Variants in DIS3L2 observed in about 807,000 individuals in gnomAD.
DIS3L2 encodes DIS3 like 3'-5' exoribonuclease 2, also known as DIS3-like exonuclease 2.
A neutral mutation model predicts 97.5 loss-of-function variants in DIS3L2; 34 were observed. The observed-to-expected ratio is 0.35, with a 90% CI of 0.27 to 0.46. The LOEUF is 0.46. Ranked by LOEUF, DIS3L2 falls within the 20% of genes least tolerant of loss-of-function variation. The probability of loss-of-function intolerance (pLI) is 1.00; values close to 1 mark genes in which losing one functional copy is unlikely to be tolerated. For synonymous variants in DIS3L2, 435 were observed against 445.2 expected (o/e 0.98, Z 0.29); for missense variants, 1,038 against 1,146.0 (o/e 0.91, Z 1.36).
chr2:231,982,393 T>C (rs936867777), intron 1 of DIS3L2, among the ~76,000 whole-genome samples: 2 of 152,224 alleles, frequency 1.3e-5, no homozygotes, highest in Non-Finnish European at 2.9e-5. Context: ...ATATTATATT[T>C]GTCTTTACAT....
intron 9 of DIS3L2, among the ~76,000 whole-genome samples, chr2:232,184,580 G>A (rs1304858824): frequency 6.6e-6 from 1 of 152,144 alleles, no homozygotes; most frequent in African/African-American, 2.4e-5. Context: ...AGCCCAGGAG[G>A]TTGAGGGTGC....
chr2:231,986,917 G>T (rs1693428672), intron 1 of DIS3L2, among the ~76,000 whole-genome samples: 2 of 152,102 alleles, frequency 1.3e-5, no homozygotes, highest in South Asian at 4.1e-4. Context: ...TTTTACAGTA[G>T]ATGATCCATT....
At chr2:232,333,439 TGACTCAGCAGG>T (rs924126960) in intron 16 of DIS3L2, among the ~76,000 whole-genome samples, 2 of 151,884 alleles carry the variant, frequency 1.3e-5, no homozygotes, top group Non-Finnish European at 2.9e-5. Flanking sequence ...TGCTCAGCAG[TGACTCAGCAGG>T]GACTGGACTT....
chr2:232,290,029 T>C lies in DIS3L2; in HGVS notation c.1660-10011T>C, dbSNP rs369502447. Among the ~76,000 whole-genome samples, 8 of 152,376 alleles carry C rather than the reference T, an allele frequency of 5.3e-5. No homozygotes were observed. In the East Asian group the frequency reaches 1.3e-3, roughly 26 times the overall value. Reference sequence around the variant, plus strand: ...AGTTCCTGCAGTCAGCACTGGCACTTTCCTGTGGAAGCAGCTTTGGGTAAC... The same window carrying C: ...AGTTCCTGCAGTCAGCACTGGCACTCTCCTGTGGAAGCAGCTTTGGGTAAC... On this transcript the variant is annotated intron_variant, in intron 13 of 20. Transcript: ENST00000325385.
intron 5 of DIS3L2, among the ~76,000 whole-genome samples, chr2:232,087,125 C>T (rs1217934819): frequency 1.3e-5 from 2 of 152,054 alleles, no homozygotes; most frequent in African/African-American, 4.8e-5. Flanking sequence ...GTTCTTTTAT[C>T]ATTCCCTAAC....
intron 17 of DIS3L2, 144 bp from the exon 18 acceptor site, chr2:232,334,225 G>C: frequency 8.0e-7 from 1 of 1,255,366 alleles, no homozygotes. Flanking sequence ...TGACCTCGAA[G>C]GGCCGCTTTC....
intron 10 of DIS3L2, among the ~76,000 whole-genome samples, chr2:232,233,520 G>A (rs992460518): frequency 6.6e-6 from 1 of 152,180 alleles, no homozygotes; most frequent in Admixed American, 6.5e-5. Context: ...GGGGAGACTG[G>A]GGGGAGCAAA....
At chr2:232,340,737 C>G, downstream of DIS3L2, 1 of 470,782 alleles carries the variant, frequency 2.1e-6, no homozygotes. Context: ...ACAAAGAACC[C>G]AACCTCAGAG....
At chr2:232,330,589 C>T (rs1211871458) in intron 15 of DIS3L2, 101 bp from the exon 16 acceptor site, 11 of 1,257,514 alleles carry the variant, frequency 8.7e-6, no homozygotes, top group African/African-American at 1.5e-5. Flanking sequence ...GGCAACTCCT[C>T]CCCCCAGAGC....
intron 6 of DIS3L2, among the ~76,000 whole-genome samples, chr2:232,122,611 G>A (rs1242636208): frequency 3.3e-5 from 5 of 152,044 alleles, no homozygotes; most frequent in Non-Finnish European, 5.9e-5. Flanking sequence ...CCAGCTACTC[G>A]GGAGGCTGAG....
chr2:232,234,627 C>T (rs965787296), intron 10 of DIS3L2, among the ~76,000 whole-genome samples: 7 of 152,362 alleles, frequency 4.6e-5, no homozygotes, highest in African/African-American at 1.7e-4. Context: ...GCTGGGATTA[C>T]AGGTCTTTAT....
chr2:232,262,985 C>T (rs1045278337), intron 12 of DIS3L2, among the ~76,000 whole-genome samples: 7 of 152,144 alleles, frequency 4.6e-5, no homozygotes, highest in African/African-American at 1.7e-4. Context: ...TGTCCAGTGC[C>T]CATTGGATTA....
rs368903421 is a variant in DIS3L2 at position 232,281,128 on chromosome 2, C to T, written c.1659+17688C>T. On this transcript the variant is annotated intron_variant, in intron 13 of 20. Coordinates refer to ENST00000325385, the MANE Select transcript of DIS3L2 (RefSeq NM_152383.5). The surrounding 1 kb of genome is among the most constrained non-coding windows in gnomAD (Gnocchi z 4.1). ...AAATATGAGTGTTTTCGGCTGGGCACGGTGGCTCACACCTATAACCCAGCA... is the reference window on the plus strand; with the variant it reads ...AAATATGAGTGTTTTCGGCTGGGCATGGTGGCTCACACCTATAACCCAGCA... Among the ~76,000 whole-genome samples the T allele has an allele frequency of 1.6e-4, 25 of 152,224 alleles. No homozygotes were observed. The South Asian group carries it at 3.5e-3, about 21-fold the overall frequency.
chr2:231,979,462 G>A (rs1318252834), intron 1 of DIS3L2, among the ~76,000 whole-genome samples: 1 of 152,092 alleles, frequency 6.6e-6, no homozygotes, highest in East Asian at 1.9e-4. Flanking sequence ...TCACCATGTT[G>A]CCCAGGCTGG....
chr2:232,065,311 C>CT (rs1351382800), intron 5 of DIS3L2, among the ~76,000 whole-genome samples: 3 of 151,650 alleles, frequency 2.0e-5, no homozygotes, highest in Non-Finnish European at 4.4e-5. Flanking sequence ...CTGCAAGTCT[C>CT]TTTTTTTTCC....
chr2:232,171,202 T>C (rs948440691), intron 9 of DIS3L2, among the ~76,000 whole-genome samples: 1 of 152,176 alleles, frequency 6.6e-6, no homozygotes, highest in Admixed American at 6.5e-5. Flanking sequence ...TTTCAAAACA[T>C]GTTACTAGGT....
chr2:232,050,390 G>C (rs1695367747), intron 5 of DIS3L2, among the ~76,000 whole-genome samples: 1 of 151,778 alleles, frequency 6.6e-6, no homozygotes, highest in African/African-American at 2.4e-5. Context: ...TCCTGCCTCA[G>C]CCTCCTGAGT....
intron 9 of DIS3L2, among the ~76,000 whole-genome samples, chr2:232,192,219 TATC>T (rs1350033717): frequency 1.3e-5 from 2 of 152,216 alleles, no homozygotes; most frequent in Non-Finnish European, 2.9e-5. Context: ...TATACATACT[TATC>T]ATCTCCTTTA....
chr2:232,116,806 T>C (rs907884067), intron 6 of DIS3L2, among the ~76,000 whole-genome samples: 1 of 141,542 alleles, frequency 7.1e-6, no homozygotes, highest in African/African-American at 2.7e-5. Flanking sequence ...CAGATAATGC[T>C]TAAAACAAAC....
Sources: gnomAD v4.1 joint callset for allele counts (sites outside exome capture counted in the v4.1 genomes callset) on GRCh38, gnomAD v4.1.1 for gene constraint, Gnocchi (gnomAD v3.1) non-coding constraint, MANE v1.5 for transcripts, NCBI Gene and HGNC (gene_info 2026-07-23, HGNC 2026-07-21) for gene names.